TACC1: variants seen among roughly 807,000 people sequenced by gnomAD.
TACC1 encodes the protein transforming acidic coiled-coil-containing protein 1.
A neutral mutation model predicts 84.4 loss-of-function variants in TACC1; 48 were observed. The ratio of observed to expected loss-of-function variants is 0.57; its 90% CI spans 0.45 to 0.72. The LOEUF (loss-of-function observed/expected upper bound fraction) is 0.72. TACC1 is among the 30% of genes least tolerant of loss of function. The pLI, the probability that TACC1 is intolerant of heterozygous loss-of-function variation, is 0.00. For synonymous variants in TACC1, 372 were observed against 376.3 expected (o/e 0.99, Z 0.13); for missense variants, 920 against 973.0 (o/e 0.95, Z 0.72).
rs934990970 is a variant in TACC1 at position 38,851,915 on chromosome 8, A to G, written c.*3892A>G. ...TTTAATAAAGAAGTATTTCGAGGAG[A>G]TATCTGTCCAAAAAGGTTTGACTGG... On this transcript the variant is annotated 3_prime_UTR_variant, in exon 13 of 13. Transcript: ENST00000317827. The G allele has an allele frequency of 7.9e-5, 36 of 453,138 alleles. No individual in the cohort carries two copies. Among genetic ancestry groups the G allele is most frequent in the Non-Finnish European group, 1.3e-4 (29 of 225,092 alleles). The allele number at this position is 453,138 out of a possible 1,614,324, so 28.1% of individuals were successfully genotyped here. A position where few individuals can be genotyped will look rare whatever the true frequency, so the allele number is the denominator to read the frequency against.
chr8:38,843,249 C>A, intron 10 of TACC1, 40 bp from the exon 11 acceptor site: 2 of 1,412,342 alleles, frequency 1.4e-6, no homozygotes, highest in Middle Eastern at 1.8e-4. Context: ...TTAGAAGAAA[C>A]AAAATGACCT....
rs750877865 is a variant in TACC1 at position 38,843,393 on chromosome 8, CAAGT to C, written c.2228+2_2228+5del. The C allele has an allele frequency of 6.3e-7, 1 of 1,592,924 alleles. No individual in the cohort carries two copies. The highest frequency in any genetic ancestry group is 1.4e-5 in the African/African-American group (1 of 73,896). ...AAATCCACGCAGAAGAGAAACTGGA[CAAGT>C]AAGAGCTTGTAAATGTTGAATTTCA... On this transcript the variant is annotated splice_donor_variant and coding_sequence_variant, in exon 11 of 13. Coordinates refer to ENST00000317827, the MANE Select transcript of TACC1 (RefSeq NM_006283.3). LOFTEE classifies it high-confidence loss of function.
intron 2 of TACC1, among the ~76,000 whole-genome samples, chr8:38,790,034 G>A (rs1818271933): frequency 6.6e-6 from 1 of 152,206 alleles, no homozygotes; most frequent in Non-Finnish European, 1.5e-5. Context: ...CACAGTCCTG[G>A]ATAATTGAAA....
chr8:38,843,063 A>G (rs1333263147), intron 10 of TACC1, among the ~76,000 whole-genome samples: 1 of 152,232 alleles, frequency 6.6e-6, no homozygotes, highest in Admixed American at 6.5e-5. Flanking sequence ...GCATATTGGT[A>G]TAACTGACCC....
At position 38,849,918 on chromosome 8, in the gene TACC1, A is replaced by G. The variant is rs2152346995; in HGVS notation, c.*1895A>G. ...TAACTGATTTCCTTTTTAGTCCTCT[A>G]CTGCTAAATAAGTTAATTTTGCATT... On this transcript the variant is annotated 3_prime_UTR_variant, in exon 13 of 13. Coordinates refer to ENST00000317827, the MANE Select transcript of TACC1 (RefSeq NM_006283.3). The G allele has an allele frequency of 6.5e-6, 1 of 152,752 alleles. No homozygotes were observed. Among genetic ancestry groups the G allele is most frequent in the Admixed American group, 6.5e-5 (1 of 15,294 alleles). 9.5% of individuals were successfully genotyped at this position (152,752 alleles called of 1,614,324 possible). A position where few individuals can be genotyped will look rare whatever the true frequency, so the allele number is the denominator to read the frequency against.
intron 6 of TACC1, among the ~76,000 whole-genome samples, chr8:38,835,253 CAAAA>C (rs1185132174): frequency 1.3e-5 from 1 of 75,846 alleles, no homozygotes; most frequent in African/African-American, 4.6e-5. Flanking sequence ...GACCCCGTCT[CAAAA>C]AAAAAAAAAA....
chr8:38,823,701 GAAGA>G (rs2152238447), intron 3 of TACC1, among the ~76,000 whole-genome samples: 1 of 152,198 alleles, frequency 6.6e-6, no homozygotes, highest in East Asian at 1.9e-4. Flanking sequence ...GTTCTTTTTA[GAAGA>G]AAGGAGTGCT....
At chr8:38,756,904 T>C (rs2151781043) in intron 3 of TACC1, among the ~76,000 whole-genome samples, 1 of 152,304 alleles carries the variant, frequency 6.6e-6, no homozygotes, top group East Asian at 1.9e-4. Flanking sequence ...TCCCGGGGCC[T>C]CTTCCCGCGG....
At chr8:38,784,759 C>G (rs1816788748), upstream of TACC1, among the ~76,000 whole-genome samples, 1 of 152,134 alleles carries the variant, frequency 6.6e-6, no homozygotes, top group African/African-American at 2.4e-5. Context: ...TTTTTTCTTA[C>G]ATATATATTG....
exon 3 of TACC1, chr8:38,745,278 G>A: frequency 1.9e-6 from 1 of 512,982 alleles, no homozygotes; most frequent in South Asian, 2.7e-5. Context: ...CGCAGTTCAG[G>A]CCCAGCAAGA....
exon 3 of TACC1, chr8:38,745,343 T>C: frequency 1.9e-6 from 1 of 538,542 alleles, no homozygotes; most frequent in East Asian, 3.1e-5. Flanking sequence ...AAGAACAGAA[T>C]CTGGAATCTT....
At chr8:38,763,863 A>G (rs1259632688) in intron 3 of TACC1, among the ~76,000 whole-genome samples, 1 of 152,176 alleles carries the variant, frequency 6.6e-6, no homozygotes, top group Non-Finnish European at 1.5e-5. Flanking sequence ...GCTCATATAA[A>G]CAACACAGTT....
chr8:38,838,413 C>T (rs1488181707), intron 7 of TACC1, 57 bp from the exon 8 acceptor site: 71 of 1,288,370 alleles, frequency 5.5e-5, no homozygotes, highest in Non-Finnish European at 7.8e-5. Flanking sequence ...TTTCAGTTCC[C>T]AGTCTTAAAT....
intron 2 of TACC1, among the ~76,000 whole-genome samples, chr8:38,793,348 G>A (rs191214480): frequency 2.2e-3 from 341 of 152,174 alleles, no homozygotes; most frequent in African/African-American, 7.7e-3. Flanking sequence ...ACCAAGCCCT[G>A]CCTGTCCTGT....
chr8:38,791,154 G>C (rs975756986), intron 2 of TACC1, among the ~76,000 whole-genome samples: 2 of 152,164 alleles, frequency 1.3e-5, no homozygotes, highest in Non-Finnish European at 2.9e-5. Context: ...CATCCCGCCA[G>C]ATTCTTTGCC....
intron 1 of TACC1, among the ~76,000 whole-genome samples, chr8:38,734,275 C>T (rs993807336): frequency 6.6e-6 from 1 of 152,134 alleles, no homozygotes; most frequent in South Asian, 2.1e-4. Flanking sequence ...TCACTGCAAC[C>T]TCCGCCTCAC....
At chr8:38,831,963 C>G (rs533524898) in intron 6 of TACC1, among the ~76,000 whole-genome samples, 1 of 152,154 alleles carries the variant, frequency 6.6e-6, no homozygotes, top group South Asian at 2.1e-4. Context: ...TGCGCCACCA[C>G]GCCCAGCTAA....
chr8:38,836,277 TAAGAG>T lies in TACC1; in HGVS notation c.1835_1839del (p.Glu612AspfsTer4). ...GACAAGACAGCCGTGCTCACCTTAA[TAAGAG>T]AAGAGGTAAAAGCTCTCCTGTTTAG... On this transcript the variant is annotated frameshift_variant, in exon 7 of 13. Coordinates refer to ENST00000317827, the MANE Select transcript of TACC1 (RefSeq NM_006283.3). LOFTEE classifies it high-confidence loss of function. 1 of 1,609,274 alleles carries T rather than the reference TAAGAG, an allele frequency of 6.2e-7. No individual in the cohort carries two copies. Among genetic ancestry groups the T allele is most frequent in the Non-Finnish European group, 8.5e-7 (1 of 1,179,544 alleles).
At chr8:38,768,117 A>AAGGT (rs1225851516) in intron 3 of TACC1, among the ~76,000 whole-genome samples, 1 of 129,614 alleles carries the variant, frequency 7.7e-6, no homozygotes, top group Non-Finnish European at 1.7e-5. Context: ...GGAAGGAAGG[A>AAGGT]AGGTAGGGGA....
Sources: allele counts gnomAD v4.1 joint callset (sites outside exome capture counted in the v4.1 genomes callset), GRCh38; gene constraint gnomAD v4.1.1; transcripts MANE v1.5; gene names NCBI Gene and HGNC (gene_info 2026-07-23, HGNC 2026-07-21).